Variants in DLG2 observed in about 807,000 individuals in gnomAD.
The protein encoded by DLG2 is disks large homolog 2.
Under a neutral mutation model 132.5 loss-of-function variants are expected in DLG2, and 45 were observed. The observed-to-expected ratio is 0.34, with a 90% confidence interval of 0.27 to 0.44. DLG2 has a LOEUF of 0.44. Ranked by LOEUF, DLG2 falls within the 20% of genes least tolerant of loss-of-function variation. DLG2 has a pLI of 1.00. For synonymous variants in DLG2, 424 were observed against 419.6 expected (o/e 1.01, Z -0.13); for missense variants, 1,045 against 1,196.9 (o/e 0.87, Z 1.87).
At chr11:84,970,380 A>G (rs1419935212) in intron 6 of DLG2, among the ~76,000 whole-genome samples, 1 of 152,110 alleles carries the variant, frequency 6.6e-6, no homozygotes, top group East Asian at 1.9e-4. Flanking sequence ...CCATTCATTC[A>G]TTCAGTACAT....
chr11:83,968,927 T>C (rs569015017), intron 12 of DLG2, among the ~76,000 whole-genome samples: 2 of 152,326 alleles, frequency 1.3e-5, no homozygotes, highest in East Asian at 3.9e-4. Context: ...ACTTCAGGTA[T>C]GGAGAACATA....
At chr11:84,807,857 G>A (rs1291826194) in intron 6 of DLG2, among the ~76,000 whole-genome samples, 1 of 151,828 alleles carries the variant, frequency 6.6e-6, no homozygotes, top group Non-Finnish European at 1.5e-5. Flanking sequence ...TGAAGCAAAA[G>A]CAATAGAACT....
intron 6 of DLG2, among the ~76,000 whole-genome samples, chr11:84,744,316 T>C (rs6592199): frequency 6.6e-6 from 1 of 152,094 alleles, no homozygotes; most frequent in African/African-American, 2.4e-5. Context: ...ACCTTTTAAC[T>C]CTTGCACAAT....
In DLG2 at chr11:85,076,472, T is replaced by C. The variant is rs149981095; in HGVS notation, c.357+35189A>G. On this transcript the variant is annotated intron_variant, in intron 6 of 27. Transcript: ENST00000376104. ...CTGGAGGCAACAACCCGGAAATGGT[T>C]TGACAAGTCCTTCAGGCACCAAACC... Among the ~76,000 whole-genome samples, 32 of 152,112 alleles carry C rather than the reference T, an allele frequency of 2.1e-4. No homozygotes were observed. In the East Asian group the frequency reaches 2.9e-3, roughly 14 times the overall value.
intron 10 of DLG2, among the ~76,000 whole-genome samples, chr11:84,086,022 T>C (rs1236725425): frequency 6.6e-6 from 1 of 152,200 alleles, no homozygotes; most frequent in African/African-American, 2.4e-5. Context: ...GCAGCTGGAA[T>C]ACAGGGTCAA....
At chr11:85,430,084 C>T (rs186707289) in intron 3 of DLG2, among the ~76,000 whole-genome samples, 5,320 of 152,046 alleles carry the variant, frequency 0.035, 141 homozygotes, top group Admixed American at 0.051. Context: ...TGGAAACCAT[C>T]ACTCTCAGCA....
At chr11:85,031,519 C>A (rs777156027) in intron 6 of DLG2, among the ~76,000 whole-genome samples, 9 of 151,820 alleles carry the variant, frequency 5.9e-5, no homozygotes, top group African/African-American at 1.2e-4. Context: ...TTGTTATATT[C>A]TTCTTAAATA....
At chr11:83,934,637 T>A (rs2081061359) in intron 14 of DLG2, among the ~76,000 whole-genome samples, 2 of 152,070 alleles carry the variant, frequency 1.3e-5, no homozygotes, top group Non-Finnish European at 2.9e-5. Flanking sequence ...ACAATGAGAG[T>A]GACTTACACT....
At chr11:83,981,419 G>C (rs967543822) in intron 11 of DLG2, among the ~76,000 whole-genome samples, 1 of 151,990 alleles carries the variant, frequency 6.6e-6, no homozygotes, top group South Asian at 2.1e-4. Flanking sequence ...AGAATAAAAA[G>C]AATGTTAAAA....
chr11:84,478,871 T>G (rs1032939133), intron 7 of DLG2, among the ~76,000 whole-genome samples: 2 of 152,080 alleles, frequency 1.3e-5, no homozygotes, highest in African/African-American at 4.8e-5. Flanking sequence ...AAAGATGATT[T>G]GTGTAAGGCA....
At chr11:83,706,158 C>G (rs2083932395) in intron 18 of DLG2, among the ~76,000 whole-genome samples, 1 of 150,156 alleles carries the variant, frequency 6.7e-6, no homozygotes, top group African/African-American at 2.5e-5. Flanking sequence ...GCAGAGGTTG[C>G]AGTGAGCTGA....
chr11:84,789,755 C>T (rs2073517974), intron 6 of DLG2, among the ~76,000 whole-genome samples: 1 of 152,026 alleles, frequency 6.6e-6, no homozygotes, highest in Non-Finnish European at 1.5e-5. Flanking sequence ...TGGTAACTAT[C>T]CTTCTAATCT....
At chr11:84,660,845 G>C (rs2099693761) in intron 6 of DLG2, among the ~76,000 whole-genome samples, 2 of 152,148 alleles carry the variant, frequency 1.3e-5, no homozygotes, top group Admixed American at 6.5e-5. Context: ...ATTTCTTTCT[G>C]TGACTTCCTG....
intron 12 of DLG2, among the ~76,000 whole-genome samples, chr11:83,970,730 G>C (rs2091166531): frequency 6.6e-6 from 1 of 152,106 alleles, no homozygotes; most frequent in African/African-American, 2.4e-5. Flanking sequence ...TAAAGTGACA[G>C]GCACAATACA....
At chr11:84,333,041 A>T (rs1390034952) in intron 7 of DLG2, among the ~76,000 whole-genome samples, 1 of 152,174 alleles carries the variant, frequency 6.6e-6, no homozygotes, top group African/African-American at 2.4e-5. Flanking sequence ...CCTACCACTC[A>T]TGTTCTAGCC....
intron 6 of DLG2, among the ~76,000 whole-genome samples, chr11:84,688,979 T>C (rs1382274847): frequency 3.9e-5 from 6 of 152,180 alleles, no homozygotes; most frequent in Admixed American, 3.9e-4. Flanking sequence ...GCCTTTAGAA[T>C]GTGGGAGAGG....
intron 3 of DLG2, among the ~76,000 whole-genome samples, chr11:85,406,151 G>C (rs2088709528): frequency 1.3e-5 from 2 of 151,570 alleles, no homozygotes; most frequent in African/African-American, 4.8e-5. Context: ...ATCAAACATT[G>C]GACTCTGAAT....
chr11:85,053,632 CAAAAAA>C (rs574119257), intron 6 of DLG2, among the ~76,000 whole-genome samples: 25,768 of 91,096 alleles, frequency 0.28, 2,916 homozygotes, highest in Middle Eastern at 0.41. Flanking sequence ...ACTAAAAATA[CAAAAAA>C]AAAAAAAAAA....
intron 7 of DLG2, among the ~76,000 whole-genome samples, chr11:84,472,555 A>G (rs865792810): frequency 1.3e-5 from 2 of 151,972 alleles, no homozygotes; most frequent in African/African-American, 4.8e-5. Context: ...AGACTAATTT[A>G]AAATTTGTAG....
Sources: gnomAD v4.1 joint callset for allele counts (sites outside exome capture counted in the v4.1 genomes callset) on GRCh38, gnomAD v4.1.1 for gene constraint, MANE v1.5 for transcripts, NCBI Gene and HGNC (gene_info 2026-07-23, HGNC 2026-07-21) for gene names.